PLCZ1: variants seen among roughly 807,000 people sequenced by gnomAD.
The protein encoded by PLCZ1 is 1-phosphatidylinositol 4,5-bisphosphate phosphodiesterase zeta-1.
In PLCZ1, 64 loss-of-function variants were observed where a neutral mutation model predicts 76.8. That is an observed-to-expected ratio of 0.83 (90% CI 0.68 to 1.03). PLCZ1 has a LOEUF of 1.03. Among genes scored for constraint, PLCZ1 ranks in the 50% least tolerant of loss-of-function variants. The pLI, the probability that PLCZ1 is intolerant of heterozygous loss-of-function variation, is 0.00. For missense variants in PLCZ1, 751 were observed against 713.7 expected (o/e 1.05, Z -0.60); for synonymous variants, 248 against 230.8 (o/e 1.07, Z -0.68).
At chr12:18,705,444 T>A in intron 6 of PLCZ1, 129 bp from the exon 7 acceptor site, 1 of 1,103,486 alleles carries the variant, frequency 9.1e-7, no homozygotes, top group Non-Finnish European at 1.3e-6. Context: ...ATAACTATTC[T>A]TTAAACTGAA....
At chr12:18,711,171 G>A (rs186533129) in intron 6 of PLCZ1, among the ~76,000 whole-genome samples, 1 of 151,592 alleles carries the variant, frequency 6.6e-6, no homozygotes, top group Non-Finnish European at 1.5e-5. Flanking sequence ...TAAGAAAATG[G>A]GGAACATATA....
chr12:18,671,319 A>AT, the PLCZ1 span, among the ~76,000 whole-genome samples: 590 of 151,730 alleles, frequency 3.9e-3, 2 homozygotes, highest in Middle Eastern at 6.8e-3. Context: ...AGATATTGGG[A>AT]TTTTTTTTTA....
chr12:18,676,014 A>G, the PLCZ1 span, among the ~76,000 whole-genome samples: 1 of 152,004 alleles, frequency 6.6e-6, no homozygotes, highest in African/African-American at 2.4e-5. Context: ...TCTATTTAAA[A>G]AAAAACTTTT....
chr12:18,706,871 C>T (rs1012556403), intron 6 of PLCZ1, among the ~76,000 whole-genome samples: 4 of 152,204 alleles, frequency 2.6e-5, no homozygotes, highest in Non-Finnish European at 5.9e-5. Flanking sequence ...ACTGTCTAGT[C>T]ACCAGAAGTT....
chr12:18,709,600 A>G (rs946659179), intron 6 of PLCZ1, among the ~76,000 whole-genome samples: 6 of 151,946 alleles, frequency 3.9e-5, no homozygotes, highest in Non-Finnish European at 7.4e-5. Context: ...TGTACACTGT[A>G]GCCTAGTATA....
chr12:18,655,253 G>A, the PLCZ1 span, among the ~76,000 whole-genome samples: 1 of 152,154 alleles, frequency 6.6e-6, no homozygotes, highest in Non-Finnish European at 1.5e-5. Context: ...CCTGCTTCCA[G>A]TGGTCCTCCA....
At chr12:18,711,926 A>G (rs1465841501) in intron 6 of PLCZ1, among the ~76,000 whole-genome samples, 1 of 152,140 alleles carries the variant, frequency 6.6e-6, no homozygotes, top group East Asian at 1.9e-4. Flanking sequence ...TTGTTCATAT[A>G]TGATATTTGT....
At chr12:18,718,301 C>T (rs780799813) in intron 5 of PLCZ1, among the ~76,000 whole-genome samples, 1 of 152,168 alleles carries the variant, frequency 6.6e-6, no homozygotes, top group Non-Finnish European at 1.5e-5. Context: ...TGCACTGCTA[C>T]ACCATCTTCC....
chr12:18,679,092 C>T (rs116851233), downstream of PLCZ1, among the ~76,000 whole-genome samples: 329 of 152,164 alleles, frequency 2.2e-3, 7 homozygotes, highest in East Asian at 0.051. Flanking sequence ...CATTGAGCTT[C>T]TTTTCATGTG....
chr12:18,737,459 G>T lies in PLCZ1; in HGVS notation c.-88C>A. On this transcript the variant is annotated 5_prime_UTR_variant, in exon 2 of 15. Transcript: ENST00000266505. The stretch of plus-strand genomic sequence containing the variant: ...ATGGGTTCCAAATACAATTAACTCT[G>T]CCCCTTTGCAGAAAATAATTTCTTG... The T allele has an allele frequency of 1.9e-6, 3 of 1,553,888 alleles. No individual in the cohort carries two copies. Among genetic ancestry groups the T allele is most frequent in the Non-Finnish European group, 1.8e-6 (2 of 1,126,128 alleles).
intron 10 of PLCZ1, among the ~76,000 whole-genome samples, chr12:18,696,804 C>T (rs766526967): frequency 2.6e-5 from 4 of 152,114 alleles, no homozygotes; most frequent in Non-Finnish European, 4.4e-5. Context: ...AATCCCTTCA[C>T]TCCAGCATCT....
chr12:18,704,875 T>C (rs1364706607), intron 7 of PLCZ1, among the ~76,000 whole-genome samples: 1 of 152,106 alleles, frequency 6.6e-6, no homozygotes, highest in East Asian at 1.9e-4. Context: ...CTGTAAAACA[T>C]ACTAAATTTC....
At chr12:18,653,147 A>G in the PLCZ1 span, among the ~76,000 whole-genome samples, 1 of 152,166 alleles carries the variant, frequency 6.6e-6, no homozygotes, top group Non-Finnish European at 1.5e-5. Flanking sequence ...TACTAATATC[A>G]TAAAACAAAG....
In PLCZ1 at chr12:18,699,835, G is replaced by T. The variant is rs756804721; in HGVS notation, c.1133C>A (p.Ser378Tyr). 1.2e-6 allele frequency: 2 copies of T among 1,613,346 alleles called. No homozygotes were observed. The highest frequency in any genetic ancestry group is 1.7e-5 in the Admixed American group (1 of 59,994). The stretch of plus-strand genomic sequence containing the variant: ...TTTTCGGGCTTGTGTCTCCCCAATA[G>T]AATTATTTTCATTAAATTGCTGATA... ...RLYQQFNENN[S>Y]IGETQARKLS... The change falls in exon 10 of 15, where the codon TCT becomes TAT. Residue 378 changes from serine (S) to tyrosine (Y), a missense_variant. Physicochemically the swap from Ser to Tyr is moderately radical, Grantham distance 144. Transcript: ENST00000266505.
intron 3 of PLCZ1, among the ~76,000 whole-genome samples, chr12:18,734,282 T>C (rs1328514953): frequency 6.6e-6 from 1 of 152,196 alleles, no homozygotes. Flanking sequence ...ATGCAACACA[T>C]TTTTACATAG....
rs140208258 is a variant in PLCZ1, at chr12:18,715,192, G to GGAGAGAGA, written c.570-2214_570-2207dup. 3.5e-3 allele frequency among the ~76,000 whole-genome samples: 31 copies of GGAGAGAGA among 8,946 alleles called. 2 individuals carry two copies. The highest frequency in any genetic ancestry group is 0.01 in the African/African-American group (31 of 3,056). 5.9% of individuals were successfully genotyped at this position (8,946 alleles called of 152,430 possible). On this transcript the variant is annotated intron_variant, in intron 5 of 14. Coordinates refer to ENST00000266505, the MANE Select transcript of PLCZ1 (RefSeq NM_033123.4). ...GTGGGGGGGGGGGGGGCGGAGGGAG[G>GGAGAGAGA]GAGAGAGAGAGAGAGAGAGAGAGAG...
chr12:18,733,683 G>T (rs1392384531), intron 3 of PLCZ1, among the ~76,000 whole-genome samples: 1 of 151,978 alleles, frequency 6.6e-6, no homozygotes, highest in African/African-American at 2.4e-5. Context: ...TTTTACATGC[G>T]AATATCCAGT....
At chr12:18,701,871 C>T (rs898493530) in intron 7 of PLCZ1, 95 bp from the exon 8 acceptor site, 2 of 1,501,820 alleles carry the variant, frequency 1.3e-6, no homozygotes, top group African/African-American at 2.8e-5. Flanking sequence ...TTCCAATTAG[C>T]CTACAGTAAT....
the PLCZ1 span, among the ~76,000 whole-genome samples, chr12:18,674,509 G>GAGCA: frequency 6.6e-6 from 1 of 152,150 alleles, no homozygotes; most frequent in Non-Finnish European, 1.5e-5. Context: ...GCAAATACAT[G>GAGCA]AATGTCCTCC....
Sources: gnomAD v4.1 joint callset for allele counts (sites outside exome capture counted in the v4.1 genomes callset) on GRCh38, gnomAD v4.1.1 for gene constraint, MANE v1.5 for transcripts, NCBI Gene and HGNC (gene_info 2026-07-23, HGNC 2026-07-21) for gene names.